The following BMPR1A variants were observed in gnomAD, a reference collection of about 807,000 sequenced individuals.
The protein encoded by BMPR1A is bone morphogenetic protein receptor type-1A.
BMPR1A carries 7 observed loss-of-function variants against 66.0 expected under a neutral mutation model. The observed-to-expected ratio is 0.11, with a 90% CI of 0.06 to 0.20. The LOEUF (loss-of-function observed/expected upper bound fraction) is 0.20, where lower values mean the gene tolerates loss of function less well. Among genes scored for constraint, BMPR1A ranks in the 10% least tolerant of loss-of-function variants. The pLI is 1.00. For missense variants in BMPR1A, 408 were observed against 669.1 expected, an observed-to-expected ratio of 0.61 and a Z score of 4.31; for synonymous variants, 200 against 229.7, an observed-to-expected ratio of 0.87 and a Z score of 1.17.
At chr10:86,815,501 T>C (rs564279370) in intron 1 of BMPR1A, among the ~76,000 whole-genome samples, 2 of 152,322 alleles carry the variant, frequency 1.3e-5, no homozygotes, top group South Asian at 4.1e-4. Flanking sequence ...TCTTCAAATG[T>C]GCCCACTGTT....
At chr10:86,815,923 T>C (rs997862308) in intron 1 of BMPR1A, among the ~76,000 whole-genome samples, 3 of 152,246 alleles carry the variant, frequency 2.0e-5, no homozygotes, top group African/African-American at 7.2e-5. Flanking sequence ...CCCATGAAGA[T>C]GCTCTGCTCT....
chr10:86,857,719 G>A (rs1321279108), intron 2 of BMPR1A, among the ~76,000 whole-genome samples: 1 of 147,956 alleles, frequency 6.8e-6, no homozygotes. Context: ...TCCTCACACT[G>A]TGACAGCTGG....
At chr10:86,875,843 C>T in intron 2 of BMPR1A, 24 bp from the exon 3 acceptor site, 6 of 641,248 alleles carry the variant, frequency 9.4e-6, no homozygotes, top group South Asian at 3.9e-5. Context: ...TATTCCTTAC[C>T]TTTTAAATAT....
intron 10 of BMPR1A, among the ~76,000 whole-genome samples, chr10:86,920,851 C>CT (rs1564724727): frequency 3.7e-5 from 5 of 133,968 alleles, no homozygotes; most frequent in African/African-American, 5.9e-5. Context: ...TTTTCCTTTT[C>CT]TTTTCTTTTT....
At chr10:86,757,695 A>G (rs1420990101) in intron 1 of BMPR1A, among the ~76,000 whole-genome samples, 1 of 152,238 alleles carries the variant, frequency 6.6e-6, no homozygotes, top group Non-Finnish European at 1.5e-5. Context: ...CAAACTGTTC[A>G]GAGTACATAG....
At chr10:86,911,299 A>G (rs1032516949) in intron 7 of BMPR1A, among the ~76,000 whole-genome samples, 2 of 152,216 alleles carry the variant, frequency 1.3e-5, no homozygotes, top group Non-Finnish European at 2.9e-5. Context: ...ACTGACATAA[A>G]AATGCCATAA....
chr10:86,768,701 GTTAA>G (rs1254259268), intron 1 of BMPR1A, among the ~76,000 whole-genome samples: 1 of 152,120 alleles, frequency 6.6e-6, no homozygotes, highest in Non-Finnish European at 1.5e-5. Flanking sequence ...AACTAAAAAG[GTTAA>G]TTAAATGTTG....
At chr10:86,820,161 G>C (rs905438239) in intron 1 of BMPR1A, among the ~76,000 whole-genome samples, 6 of 152,096 alleles carry the variant, frequency 3.9e-5, no homozygotes, top group Admixed American at 6.5e-5. Flanking sequence ...TCTCACCTCA[G>C]CCTCCTGAAT....
intron 5 of BMPR1A, among the ~76,000 whole-genome samples, chr10:86,898,543 T>A (rs1038372918): frequency 6.6e-6 from 1 of 152,234 alleles, no homozygotes; most frequent in Admixed American, 6.5e-5. Flanking sequence ...GTCATCCCTG[T>A]CAGCATCCTT....
At chr10:86,921,837 AC>A in intron 11 of BMPR1A, 142 bp downstream of exon 11, 1 of 1,014,900 alleles carries the variant, frequency 9.9e-7, no homozygotes, top group Non-Finnish European at 1.5e-6. Context: ...TTATTTTGAT[AC>A]AGGCATGCCA....
intron 5 of BMPR1A, among the ~76,000 whole-genome samples, chr10:86,892,884 C>T (rs373818396): frequency 2.7e-3 from 393 of 147,544 alleles, no homozygotes; most frequent in Middle Eastern, 7.1e-3. Flanking sequence ...AAAAAAAATT[C>T]TTTTTTCTTT....
At chr10:86,881,897 AT>A (rs1450463982) in intron 3 of BMPR1A, among the ~76,000 whole-genome samples, 4 of 152,226 alleles carry the variant, frequency 2.6e-5, no homozygotes, top group Non-Finnish European at 5.9e-5. Flanking sequence ...AATTTATAAC[AT>A]TTATAATATA....
chr10:86,817,012 C>T lies in BMPR1A; in HGVS notation c.-267-21853C>T, dbSNP rs571409747. On this transcript the variant is annotated intron_variant, in intron 1 of 12. Transcript: ENST00000372037. ...GTACAAGTGAAAAAATGAGTCTTTG[C>T]GATAAAGCTCTTCTCCAGCCATCCC... Among the ~76,000 whole-genome samples the T allele has an allele frequency of 2.7e-3, 407 of 152,236 alleles. 3 individuals are homozygous for T. The highest frequency in any genetic ancestry group is 2.4e-3 in the Non-Finnish European group (166 of 68,014).
intron 2 of BMPR1A, among the ~76,000 whole-genome samples, chr10:86,872,075 G>A (rs1260862182): frequency 6.6e-6 from 1 of 152,198 alleles, no homozygotes; most frequent in Non-Finnish European, 1.5e-5. Context: ...CTGCATGCAT[G>A]TCTTAGGAGT....
intron 3 of BMPR1A, among the ~76,000 whole-genome samples, chr10:86,883,597 AC>A (rs1843024328): frequency 7.9e-6 from 1 of 126,274 alleles, no homozygotes; most frequent in Admixed American, 8.4e-5. Flanking sequence ...ATGGTGAAAC[AC>A]CGTCTCTACT....
downstream of BMPR1A, chr10:86,929,682 C>CA (rs1415331059): frequency 2.6e-5 from 4 of 152,234 alleles, no homozygotes; most frequent in African/African-American, 9.6e-5. Context: ...AAAGAAGACT[C>CA]AGTGATTTCT....
At chr10:86,805,088 A>G (rs919941725) in intron 1 of BMPR1A, among the ~76,000 whole-genome samples, 1 of 151,928 alleles carries the variant, frequency 6.6e-6, no homozygotes, top group African/African-American at 2.4e-5. Context: ...CCCTTTTTAT[A>G]AGGATGGTAT....
chr10:86,886,520 A>G (rs924693862), intron 3 of BMPR1A, among the ~76,000 whole-genome samples: 5 of 152,190 alleles, frequency 3.3e-5, no homozygotes, highest in African/African-American at 1.2e-4. Flanking sequence ...AGACTTTGGT[A>G]AGACCAGGTT....
At chr10:86,764,372 G>T (rs1841129548) in intron 1 of BMPR1A, among the ~76,000 whole-genome samples, 1 of 152,150 alleles carries the variant, frequency 6.6e-6, no homozygotes, top group Admixed American at 6.5e-5. Flanking sequence ...CTGTTCAGAA[G>T]TATCTTAAAT....
Sources: gnomAD v4.1 joint callset for allele counts (sites outside exome capture counted in the v4.1 genomes callset) on GRCh38, gnomAD v4.1.1 for gene constraint, MANE v1.5 for transcripts, NCBI Gene and HGNC (gene_info 2026-07-23, HGNC 2026-07-21) for gene names.